NIPSNAP3B: variants seen among roughly 807,000 people sequenced by gnomAD.
NIPSNAP3B encodes protein NipSnap homolog 3B.
NIPSNAP3B carries 30 observed loss-of-function variants against 31.5 expected under a neutral mutation model. The observed-to-expected ratio is 0.95, with a 90% CI of 0.71 to 1.29. The LOEUF (loss-of-function observed/expected upper bound fraction) is 1.29. NIPSNAP3B is among the 50% of genes most tolerant of loss of function. NIPSNAP3B has a pLI of 0.00. For synonymous variants in NIPSNAP3B, 106 were observed against 107.9 expected (o/e 0.98, Z 0.11); for missense variants, 269 against 300.7 (o/e 0.89, Z 0.78).
chr9:104,777,814 A>T (rs530304336), downstream of NIPSNAP3B, among the ~76,000 whole-genome samples: 143 of 152,132 alleles, frequency 9.4e-4, no homozygotes, highest in Non-Finnish European at 1.7e-3. Context: ...ATAGATTTGC[A>T]TATATTTGCA....
the NIPSNAP3B span, among the ~76,000 whole-genome samples, chr9:104,790,324 G>C: frequency 6.6e-6 from 1 of 152,028 alleles, no homozygotes; most frequent in African/African-American, 2.4e-5. Context: ...TGTATACAGG[G>C]ACATATTTAC....
Position 104,773,715 on chromosome 9 carries a change from A to G in NIPSNAP3B, c.*642A>G, listed in dbSNP as rs1322112106. The G allele has an allele frequency of 6.6e-6, 1 of 152,168 alleles. No individual in the cohort carries two copies. The highest frequency in any genetic ancestry group is 2.1e-4 in the South Asian group (1 of 4,836). The allele number at this position is 152,168 out of a possible 1,614,324, so 9.4% of individuals were successfully genotyped here. On this transcript the variant is annotated 3_prime_UTR_variant, in exon 6 of 6. Transcript: ENST00000374762. ...GTTGGTTTATATGCTGAAATTGTTC[A>G]TTTATAATTAATTTTACTAATTTCT...
At chr9:104,784,704 C>T in the NIPSNAP3B span, among the ~76,000 whole-genome samples, 3 of 152,142 alleles carry the variant, frequency 2.0e-5, no homozygotes, top group African/African-American at 7.2e-5. Context: ...AGTGCAGTGG[C>T]GAGACCTTGG....
At chr9:104,789,626 TAGC>T in the NIPSNAP3B span, among the ~76,000 whole-genome samples, 1 of 152,308 alleles carries the variant, frequency 6.6e-6, no homozygotes, top group East Asian at 1.9e-4. Flanking sequence ...GAATAAGAAA[TAGC>T]AGAGTGCACT....
At chr9:104,786,939 C>A in the NIPSNAP3B span, 1 of 1,613,998 alleles carries the variant, frequency 6.2e-7, no homozygotes, top group Non-Finnish European at 8.5e-7. Flanking sequence ...CCACAAGAAC[C>A]GCCGGGCTTT....
chr9:104,768,695 A>G (rs1435908070), intron 2 of NIPSNAP3B, among the ~76,000 whole-genome samples, 168 bp from the exon 3 acceptor site: 1 of 152,226 alleles, frequency 6.6e-6, no homozygotes, highest in Admixed American at 6.5e-5. Context: ...TTAGACCATG[A>G]GTAACTTGAG....
At chr9:104,788,024 G>A in the NIPSNAP3B span, 1 of 1,614,136 alleles carries the variant, frequency 6.2e-7, no homozygotes, top group Admixed American at 1.7e-5. Flanking sequence ...TACTTCACGA[G>A]GCCCAGTTTC....
chr9:104,782,199 T>C (rs1434621837), downstream of NIPSNAP3B: 1 of 152,162 alleles, frequency 6.6e-6, no homozygotes, highest in Non-Finnish European at 1.5e-5. Context: ...ATAAATTCTG[T>C]ATTTTTGAAG....
In NIPSNAP3B at chr9:104,775,619, T is replaced by A. The variant is rs1828319528; in HGVS notation, c.*2546T>A. On this transcript the variant is annotated 3_prime_UTR_variant, in exon 6 of 6. Transcript: ENST00000374762. ...TCCACACCTCTTTTCTGAATCTTTT[T>A]TCAAATTCACACATGTGAATTTGAA... is the stretch of plus-strand genomic sequence containing the variant. Among the ~76,000 whole-genome samples, 2 of 152,310 alleles carry A rather than the reference T, an allele frequency of 1.3e-5. No individual in the cohort carries two copies. The highest frequency in any genetic ancestry group is 4.1e-4 in the South Asian group (2 of 4,828).
intron 2 of NIPSNAP3B, among the ~76,000 whole-genome samples, chr9:104,767,715 G>A (rs1186946969): frequency 6.6e-6 from 1 of 152,084 alleles, no homozygotes; most frequent in Admixed American, 6.5e-5. Flanking sequence ...ATCCACTTAT[G>A]TGCGTTAGGT....
chr9:104,786,735 A>C, the NIPSNAP3B span: 1 of 817,878 alleles, frequency 1.2e-6, no homozygotes, highest in Non-Finnish European at 2.1e-6. Context: ...TTTTGTAAGA[A>C]TATGCATATA....
At chr9:104,788,705 C>T in the NIPSNAP3B span, 2 of 1,127,482 alleles carry the variant, frequency 1.8e-6, no homozygotes, top group Middle Eastern at 2.8e-4. Flanking sequence ...GAAAGCACAG[C>T]CTTTCTGCCC....
In NIPSNAP3B at chr9:104,775,335, G is replaced by A. The variant is rs967485882; in HGVS notation, c.*2262G>A. On this transcript the variant is annotated 3_prime_UTR_variant, in exon 6 of 6. Coordinates refer to ENST00000374762, the MANE Select transcript of NIPSNAP3B (RefSeq NM_018376.4). ...TGATCACGCCAGCCAAATTGCTCTT[G>A]TCAACTCATTTCCCAGTTCTCATTT... Among the ~76,000 whole-genome samples, 3 of 151,568 alleles carry A rather than the reference G, an allele frequency of 2.0e-5. No individual in the cohort carries two copies. The highest frequency in any genetic ancestry group is 4.4e-5 in the Non-Finnish European group (3 of 67,954).
At chr9:104,785,347 A>G in the NIPSNAP3B span, 1 of 1,611,014 alleles carries the variant, frequency 6.2e-7, no homozygotes, top group South Asian at 1.1e-5. Context: ...GTGTCGGGGC[A>G]GGAATCCACA....
rs1317381761 is a variant in NIPSNAP3B, at chr9:104,772,803, T to C, written c.581-19T>C. On this transcript the variant is annotated intron_variant, in intron 4 of 5. Coordinates refer to ENST00000374762, the MANE Select transcript of NIPSNAP3B (RefSeq NM_018376.4). ...TATTGCCATATATTTCAGAAACTAC[T>C]TGTGGTTTATTTCTGCAGTTCATGT... The C allele has an allele frequency of 6.2e-7, 1 of 1,607,792 alleles. No individual in the cohort carries two copies. The highest frequency in any genetic ancestry group is 1.3e-5 in the African/African-American group (1 of 74,840).
chr9:104,765,433 G>T (rs965275596), intron 1 of NIPSNAP3B, among the ~76,000 whole-genome samples: 1 of 152,158 alleles, frequency 6.6e-6, no homozygotes, highest in African/African-American at 2.4e-5. Flanking sequence ...TTGCATGTAC[G>T]TACATACAGA....
At chr9:104,780,442 T>G (rs1408130369), downstream of NIPSNAP3B, among the ~76,000 whole-genome samples, 3 of 152,216 alleles carry the variant, frequency 2.0e-5, no homozygotes, top group African/African-American at 4.8e-5. Context: ...CTTAATGAGC[T>G]ATGAAAAATA....
In NIPSNAP3B at chr9:104,776,750, T is replaced by C. The variant is rs1828346424; in HGVS notation, c.*3677T>C. On this transcript the variant is annotated 3_prime_UTR_variant, in exon 6 of 6. Coordinates refer to ENST00000374762, the MANE Select transcript of NIPSNAP3B (RefSeq NM_018376.4). ...GTTTTACTTATATATGATTTGTTAA[T>C]GTATGTCTCTTCCCACTAGAAACCG... Among the ~76,000 whole-genome samples the C allele has an allele frequency of 6.6e-6, 1 of 152,242 alleles. No homozygotes were observed. Among genetic ancestry groups the C allele is most frequent in the Non-Finnish European group, 1.5e-5 (1 of 68,042 alleles).
chr9:104,779,735 G>A (rs560302623), downstream of NIPSNAP3B, among the ~76,000 whole-genome samples: 26 of 151,900 alleles, frequency 1.7e-4, 1 homozygote, highest in South Asian at 1.7e-3. Context: ...TTTAGTCAAG[G>A]CTCATGGGTA....
Sources: allele counts gnomAD v4.1 joint callset (sites outside exome capture counted in the v4.1 genomes callset), GRCh38; gene constraint gnomAD v4.1.1; transcripts MANE v1.5; gene names NCBI Gene and HGNC (gene_info 2026-07-23, HGNC 2026-07-21).